ATP10D: variants seen among roughly 807,000 people sequenced by gnomAD.
The protein encoded by ATP10D is ATPase phospholipid transporting 10D (putative).
Under a neutral mutation model 144.8 loss-of-function variants are expected in ATP10D, and 89 were observed. That is an observed-to-expected ratio of 0.61 (90% confidence interval 0.52 to 0.73). The LOEUF (loss-of-function observed/expected upper bound fraction) is 0.73. Ranked by LOEUF, ATP10D falls within the 30% of genes least tolerant of loss-of-function variation. The pLI is 0.00. For missense variants in ATP10D, 1,603 were observed against 1,714.8 expected (o/e 0.93, Z 1.15); for synonymous variants, 571 against 615.1 (o/e 0.93, Z 1.06).
intron 10 of ATP10D, 104 bp downstream of exon 10, chr4:47,546,966 A>T: frequency 9.2e-7 from 1 of 1,082,414 alleles, no homozygotes; most frequent in Non-Finnish European, 1.4e-6. Context: ...TTTCTACCTT[A>T]GAAGAGACTA....
chr4:47,522,041 T>C (rs1446899216), intron 3 of ATP10D, among the ~76,000 whole-genome samples: 1 of 152,264 alleles, frequency 6.6e-6, no homozygotes, highest in East Asian at 1.9e-4. Flanking sequence ...TATTTTGTTA[T>C]ATTTGTCACA....
At position 47,514,717 on chromosome 4, in the gene ATP10D, G is replaced by T. The variant is rs7677040; in HGVS notation, c.291-759G>T. Among the ~76,000 whole-genome samples, 863 of 152,156 alleles carry T rather than the reference G, an allele frequency of 5.7e-3. 12 individuals are homozygous for T. The highest frequency in any genetic ancestry group is 0.02 in the African/African-American group (814 of 41,526). ...AGAAATAGAAGAGTTAGTCACAAGA[G>T]AAAAGAAATAGGCTTTTCTACTCAA... On this transcript the variant is annotated intron_variant, in intron 2 of 22. Transcript: ENST00000273859.
chr4:47,531,095 T>TC (rs1717546277), intron 5 of ATP10D, among the ~76,000 whole-genome samples: 1 of 151,992 alleles, frequency 6.6e-6, no homozygotes, highest in African/African-American at 2.4e-5. Context: ...TATTTTTTTT[T>TC]GCACTGATGA....
rs186994910 is a variant in ATP10D, at chr4:47,489,406, A to G, written c.-38+3887A>G. ...CTAGTTTTGAAAAAAAAATCAACCTATGCACAGAACCCAATTTATTGGTGG... is the reference window on the plus strand; with the variant it reads ...CTAGTTTTGAAAAAAAAATCAACCTGTGCACAGAACCCAATTTATTGGTGG... On this transcript the variant is annotated intron_variant, in intron 1 of 22. Coordinates refer to ENST00000273859, the MANE Select transcript of ATP10D (RefSeq NM_020453.4). Among the ~76,000 whole-genome samples, 1,030 of 152,160 alleles carry G rather than the reference A, an allele frequency of 6.8e-3. 11 individuals are homozygous for G. Among genetic ancestry groups the G allele is most frequent in the African/African-American group, 0.023 (955 of 41,534 alleles).
intron 9 of ATP10D, among the ~76,000 whole-genome samples, chr4:47,543,361 A>G (rs989855285): frequency 7.9e-5 from 12 of 152,178 alleles, no homozygotes; most frequent in Non-Finnish European, 1.8e-4. Context: ...GTGTTACGTC[A>G]TCAATAAATT....
In ATP10D at chr4:47,515,569, G is replaced by C. The variant is rs1560418927; in HGVS notation, c.384G>C (p.Val128=). 2 of 1,613,522 alleles carry C rather than the reference G, an allele frequency of 1.2e-6. No individual in the cohort carries two copies. The highest frequency in any genetic ancestry group is 1.3e-5 in the African/African-American group (1 of 75,014). ...AGGAAATCACCATGTTGCCTCTGGT[G>C]GTGGTCCTTACAATTATCGCAATTA... ...FQKEITMLPL[V]VVLTIIAIKD... Residue 128 remains valine, a synonymous_variant, in exon 3 of 23, where the codon GTG becomes GTC. Transcript: ENST00000273859.
chr4:47,511,247 ATAAATAAATATTTTAGAGGC>A (rs1488439545), intron 1 of ATP10D, among the ~76,000 whole-genome samples: 1 of 152,176 alleles, frequency 6.6e-6, no homozygotes, highest in Non-Finnish European at 1.5e-5. Flanking sequence ...TTAGTTATCT[ATAAATAAATATTTTAGAGGC>A]CAAAATCCAA....
Position 47,552,536 on chromosome 4 carries a change from C to T in ATP10D, c.1636-2190C>T, listed in dbSNP as rs562056189. 3.3e-5 allele frequency among the ~76,000 whole-genome samples: 5 copies of T among 152,302 alleles called. No individual in the cohort carries two copies. The East Asian group carries it at 9.7e-4, about 29-fold the overall frequency. On this transcript the variant is annotated intron_variant, in intron 10 of 22. Transcript: ENST00000273859. Reference sequence around the variant, plus strand: ...AGGACTTTAATCCCATTCATGAAGTCACTGCCCTCTTAACCTAATTATCCC... The same window carrying T: ...AGGACTTTAATCCCATTCATGAAGTTACTGCCCTCTTAACCTAATTATCCC...
At chr4:47,546,903 T>G (rs200494688) in intron 10 of ATP10D, 41 bp downstream of exon 10, 47 of 1,552,242 alleles carry the variant, frequency 3.0e-5, no homozygotes, top group Non-Finnish European at 3.9e-5. Flanking sequence ...ACATCCACAA[T>G]GTATGATGAG....
At position 47,513,209 on chromosome 4, in the gene ATP10D, T is replaced by G. The variant is rs538974296; in HGVS notation, c.290+379T>G. Among the ~76,000 whole-genome samples, 3 of 152,290 alleles carry G rather than the reference T, an allele frequency of 2.0e-5. No homozygotes were observed. The East Asian group carries it at 5.8e-4, about 29-fold the overall frequency. On this transcript the variant is annotated intron_variant, in intron 2 of 22. Transcript: ENST00000273859. The stretch of plus-strand genomic sequence containing the variant: ...CATTTTAATTTCAAATTTTTCTTAC[T>G]GATAATAGGAGGAAATAGAGCTCTG...
At chr4:47,590,998 C>G in intron 22 of ATP10D, 44 bp from the exon 23 acceptor site, 2 of 1,248,716 alleles carry the variant, frequency 1.6e-6, no homozygotes, top group South Asian at 1.5e-5. Context: ...TTCTGTAATG[C>G]ATTTGAGATG....
intron 4 of ATP10D, 150 bp downstream of exon 4, chr4:47,523,366 G>A (rs1717067663): frequency 1.1e-5 from 7 of 666,622 alleles, no homozygotes; most frequent in Non-Finnish European, 1.8e-5. Flanking sequence ...TTCCAGATAT[G>A]AGTGGAAGTA....
At chr4:47,542,590 G>T (rs1157805537) in intron 9 of ATP10D, among the ~76,000 whole-genome samples, 1 of 152,070 alleles carries the variant, frequency 6.6e-6, no homozygotes, top group Non-Finnish European at 1.5e-5. Context: ...CAGCTCTCCT[G>T]CCTCAGCCTC....
chr4:47,516,724 T>G (rs986517198), intron 3 of ATP10D, among the ~76,000 whole-genome samples: 1 of 152,208 alleles, frequency 6.6e-6, no homozygotes, highest in African/African-American at 2.4e-5. Context: ...GTAAGATGAT[T>G]TGAGATTTCT....
chr4:47,546,935 T>C (rs1718469843), intron 10 of ATP10D, 73 bp downstream of exon 10: 10 of 1,418,968 alleles, frequency 7.0e-6, no homozygotes, highest in African/African-American at 1.4e-5. Flanking sequence ...GTAATTATGA[T>C]AGAGTCAAAC....
intron 1 of ATP10D, among the ~76,000 whole-genome samples, chr4:47,504,719 C>T (rs1047545885): frequency 4.6e-5 from 7 of 152,134 alleles, no homozygotes; most frequent in African/African-American, 1.7e-4. Context: ...CCCGCCACCA[C>T]GCCTGGCTAA....
chr4:47,553,189 C>T (rs1470953319), intron 10 of ATP10D, among the ~76,000 whole-genome samples: 4 of 152,160 alleles, frequency 2.6e-5, no homozygotes, highest in African/African-American at 9.7e-5. Context: ...TTGACTTTGG[C>T]AAGGAGGTCC....
rs373071438 is a variant in ATP10D at position 47,572,853 on chromosome 4, C to G, written c.3241-19C>G. Reference sequence around the variant, plus strand: ...GTTTGATCACTCAGGATGGCATTCTCTCCCCATTGCATCTGCAGGCTGTGA... The same window carrying G: ...GTTTGATCACTCAGGATGGCATTCTGTCCCCATTGCATCTGCAGGCTGTGA... On this transcript the variant is annotated intron_variant, in intron 17 of 22. Transcript: ENST00000273859. The G allele has an allele frequency of 2.5e-6, 4 of 1,613,886 alleles. No homozygotes were observed. Among genetic ancestry groups the G allele is most frequent in the African/African-American group, 2.7e-5 (2 of 74,908 alleles).
intron 1 of ATP10D, among the ~76,000 whole-genome samples, chr4:47,489,605 CA>C (rs1475663428): frequency 1.3e-5 from 2 of 152,146 alleles, no homozygotes; most frequent in Non-Finnish European, 2.9e-5. Flanking sequence ...GTATAAAGAG[CA>C]CATATATGAT....
Sources: gnomAD v4.1 joint callset for allele counts (sites outside exome capture counted in the v4.1 genomes callset) on GRCh38, gnomAD v4.1.1 for gene constraint, MANE v1.5 for transcripts, NCBI Gene and HGNC (gene_info 2026-07-23, HGNC 2026-07-21) for gene names.